The following LITAF variants were observed in gnomAD, a reference collection of about 807,000 sequenced individuals.
The protein encoded by LITAF is lipopolysaccharide induced TNF factor.
Under a neutral mutation model 14.5 loss-of-function variants are expected in LITAF, and 9 were observed. The ratio of observed to expected loss-of-function variants is 0.62; its 90% CI spans 0.37 to 1.08. The LOEUF (loss-of-function observed/expected upper bound fraction) is 1.08. Among genes scored for constraint, LITAF ranks in the 50% least tolerant of loss-of-function variants. The pLI, the probability that LITAF is intolerant of heterozygous loss-of-function variation, is 0.01. For missense variants in LITAF, 206 were observed against 213.4 expected, an observed-to-expected ratio of 0.97 and a Z score of 0.22; for synonymous variants, 98 against 88.2, an observed-to-expected ratio of 1.11 and a Z score of -0.62.
At chr16:11,612,993 C>T (rs556798176) in intron 3 of LITAF, among the ~76,000 whole-genome samples, 1 of 152,226 alleles carries the variant, frequency 6.6e-6, no homozygotes, top group South Asian at 2.1e-4. Context: ...CAAGGCCAGC[C>T]ATTCAGGTGC....
At chr16:11,593,617 G>A (rs575663960) in intron 1 of LITAF, among the ~76,000 whole-genome samples, 1 of 152,200 alleles carries the variant, frequency 6.6e-6, no homozygotes, top group African/African-American at 2.4e-5. Flanking sequence ...AGACAAAAAT[G>A]TACTATATCT....
chr16:11,577,726 C>A (rs1170200115), intron 1 of LITAF, among the ~76,000 whole-genome samples: 10 of 150,464 alleles, frequency 6.6e-5, no homozygotes, highest in Middle Eastern at 6.5e-3. Context: ...ATTTTATTTT[C>A]TTTTTTTGAG....
chr16:11,581,886 T>G (rs144335337), intron 1 of LITAF, among the ~76,000 whole-genome samples: 27 of 151,994 alleles, frequency 1.8e-4, no homozygotes, highest in Non-Finnish European at 3.5e-4. Flanking sequence ...GACGACAAAA[T>G]TGAGCTCACA....
chr16:11,582,098 C>G (rs538952895), intron 1 of LITAF, among the ~76,000 whole-genome samples: 99 of 152,242 alleles, frequency 6.5e-4, no homozygotes, highest in Non-Finnish European at 1.2e-3. Flanking sequence ...TCTGAATGCT[C>G]ACAACACAAA....
intron 1 of LITAF, among the ~76,000 whole-genome samples, chr16:11,593,053 C>T (rs1373836605): frequency 1.3e-5 from 2 of 152,132 alleles, no homozygotes; most frequent in East Asian, 1.9e-4. Context: ...CGCCTGTAGC[C>T]CCAGCTACTC....
intron 1 of LITAF, among the ~76,000 whole-genome samples, chr16:11,565,704 C>T (rs2064441303): frequency 6.6e-6 from 1 of 152,004 alleles, no homozygotes; most frequent in Non-Finnish European, 1.5e-5. Flanking sequence ...CTACCAACCG[C>T]ACAGTCTCTC....
intron 3 of LITAF, among the ~76,000 whole-genome samples, chr16:11,624,906 C>T (rs2065074403): frequency 6.6e-6 from 1 of 152,132 alleles, no homozygotes; most frequent in Admixed American, 6.6e-5. Context: ...CACTCTGACC[C>T]TCCTGGCGTG....
intron 3 of LITAF, among the ~76,000 whole-genome samples, chr16:11,608,736 G>T (rs2064967179): frequency 6.6e-6 from 1 of 152,196 alleles, no homozygotes; most frequent in Non-Finnish European, 1.5e-5. Flanking sequence ...GCCGAGGCAG[G>T]TGGATCATCT....
At chr16:11,555,064 G>A (rs765521601) in intron 2 of LITAF, among the ~76,000 whole-genome samples, 14 of 152,014 alleles carry the variant, frequency 9.2e-5, no homozygotes, top group African/African-American at 1.4e-4. Context: ...ACAAGGTCTT[G>A]TTGTGTTGCC....
rs1597357417 is a variant in LITAF at position 11,582,188 on chromosome 16, C to T, written c.-6+4698G>A. On this transcript the variant is annotated intron_variant, in intron 1 of 3. Transcript: ENST00000622633. ...ACACTGGAGACATATAAGAAAATAT[C>T]ACTCTTTATCCCATAAATGTGTATG... Among the ~76,000 whole-genome samples, 3 of 152,182 alleles carry T rather than the reference C, an allele frequency of 2.0e-5. No homozygotes were observed. In the East Asian group the frequency reaches 5.8e-4, roughly 29 times the overall value.
chr16:11,582,966 A>G (rs538167147), intron 1 of LITAF, among the ~76,000 whole-genome samples: 2 of 152,330 alleles, frequency 1.3e-5, no homozygotes, highest in South Asian at 2.1e-4. Flanking sequence ...TAACCTGTCT[A>G]TCATTCCTGA....
In LITAF at chr16:11,570,764, T is replaced by C. The variant is rs1186204260; in HGVS notation, c.-5-14029A>G. On this transcript the variant is annotated intron_variant, in intron 1 of 3. Coordinates refer to ENST00000622633, the MANE Select transcript of LITAF (RefSeq NM_001136472.2). ...TCATCACTACAAAAATTACAAAAAT[T>C]ATCAAGGTGTGATAGCGCACATGTA... Among the ~76,000 whole-genome samples the C allele has an allele frequency of 3.3e-5, 5 of 151,914 alleles. No individual in the cohort carries two copies. The East Asian group carries it at 5.8e-4, about 18-fold the overall frequency.
At position 11,563,396 on chromosome 16, in the gene LITAF, C is replaced by T. The variant is rs576479707; in HGVS notation, c.-5-6661G>A. 5.0e-4 allele frequency among the ~76,000 whole-genome samples: 76 copies of T among 152,220 alleles called. 1 individual carries two copies. Among genetic ancestry groups the T allele is most frequent in the African/African-American group, 1.7e-3 (72 of 41,554 alleles). Reference sequence around the variant, plus strand: ...AACTCCCAACCTCAGATGATCAGCCCGCCTTGGCCTCCCAGAGTGCTGGGA... The same window carrying T: ...AACTCCCAACCTCAGATGATCAGCCTGCCTTGGCCTCCCAGAGTGCTGGGA... On this transcript the variant is annotated intron_variant, in intron 1 of 3. Coordinates refer to ENST00000622633, the MANE Select transcript of LITAF (RefSeq NM_001136472.2).
chr16:11,639,368 T>C (rs1465613634), upstream of LITAF, among the ~76,000 whole-genome samples: 1 of 127,020 alleles, frequency 7.9e-6, no homozygotes, highest in Non-Finnish European at 1.6e-5. Flanking sequence ...GAAGAATAAA[T>C]GGGTGAGTGG....
chr16:11,549,823 G>A lies in LITAF; in HGVS notation c.378-78C>T, dbSNP rs2064158087. 9.1e-7 allele frequency: 1 copy of A among 1,102,432 alleles called. No individual in the cohort carries two copies. Among genetic ancestry groups the A allele is most frequent in the East Asian group, 2.6e-5 (1 of 39,102 alleles). The allele number at this position is 1,102,432 out of a possible 1,614,324, so 68.3% of individuals were successfully genotyped here. A position where few individuals can be genotyped will look rare whatever the true frequency, so the allele number is the denominator to read the frequency against. On this transcript the variant is annotated intron_variant, in intron 3 of 3. Coordinates refer to ENST00000622633, the MANE Select transcript of LITAF (RefSeq NM_001136472.2). This position sits in a 1 kb window ranked among gnomAD's most constrained non-coding sequence, Gnocchi z 4.6. ...CACTGGCTGCCAAAACCATGTTCAT[G>A]TCCTTCTTTGTAAAAAGGGTCTTTG...
Position 11,548,005 on chromosome 16 carries a change from G to T in LITAF, c.*1632C>A. ...AAAGAACTCATAAATAGTTCACCGG[G>T]TGAACCAAAGACTTTATTTTTCAAA... On this transcript the variant is annotated 3_prime_UTR_variant, in exon 4 of 4. Coordinates refer to ENST00000622633, the MANE Select transcript of LITAF (RefSeq NM_001136472.2). The T allele has an allele frequency of 2.2e-6, 1 of 454,068 alleles. No homozygotes were observed. The highest frequency in any genetic ancestry group is 4.4e-6 in the Non-Finnish European group (1 of 226,780). 28.1% of individuals were successfully genotyped at this position (454,068 alleles called of 1,614,324 possible). A position where few individuals can be genotyped will look rare whatever the true frequency, so the allele number is the denominator to read the frequency against.
Position 11,613,787 on chromosome 16 carries a change from G to T in LITAF, c.85+19746C>A, listed in dbSNP as rs147708044. 9.8e-5 allele frequency among the ~76,000 whole-genome samples: 15 copies of T among 152,360 alleles called. No homozygotes were observed. In the East Asian group the frequency reaches 2.9e-3, roughly 29 times the overall value. ...AGGGCACAGAGGTGGCTGGGGCAAA[G>T]CCCAGACAGAAAGGACATCTCAGAA... On this transcript the variant is annotated intron_variant, in intron 3 of 3. Coordinates refer to the LITAF transcript ENST00000574848.
At position 11,632,369 on chromosome 16, in the gene LITAF, A is replaced by C. The variant is rs1307609862; in HGVS notation, c.85+1164T>G. On this transcript the variant is annotated intron_variant, in intron 3 of 3. Coordinates refer to the LITAF transcript ENST00000574848. This position sits in a 1 kb window ranked among gnomAD's most constrained non-coding sequence, Gnocchi z 4.8. The stretch of plus-strand genomic sequence containing the variant: ...ACCCTGGAGAGAAGGTGAAGGAGGC[A>C]CCGAGATGACAGAGACAGGGAGAGG... Among the ~76,000 whole-genome samples, 1 of 152,118 alleles carries C rather than the reference A, an allele frequency of 6.6e-6. No individual in the cohort carries two copies. Among genetic ancestry groups the C allele is most frequent in the African/African-American group, 2.4e-5 (1 of 41,424 alleles).
upstream of LITAF, among the ~76,000 whole-genome samples, chr16:11,638,032 C>A (rs28662389): frequency 2.8e-4 from 23 of 83,378 alleles, no homozygotes; most frequent in African/African-American, 9.6e-4. Flanking sequence ...ATCTATATAT[C>A]TATATATATC....
Sources: allele counts gnomAD v4.1 joint callset (sites outside exome capture counted in the v4.1 genomes callset), GRCh38; gene constraint gnomAD v4.1.1; non-coding constraint Gnocchi (gnomAD v3.1); transcripts MANE v1.5; gene names NCBI Gene and HGNC (gene_info 2026-07-23, HGNC 2026-07-21).